NIPAL1: variants seen among roughly 807,000 people sequenced by gnomAD.
The protein encoded by NIPAL1 is NIPA like domain containing 1, also known as magnesium transporter NIPA3.
NIPAL1 carries 35 observed loss-of-function variants against 37.7 expected under a neutral mutation model. The ratio of observed to expected loss-of-function variants is 0.93; its 90% confidence interval spans 0.71 to 1.23. The LOEUF is 1.23. Ranked by LOEUF, NIPAL1 falls within the 50% of genes most tolerant of loss-of-function variation. The pLI is 0.00. For missense variants in NIPAL1, 412 were observed against 473.9 expected, an observed-to-expected ratio of 0.87 and a Z score of 1.21; for synonymous variants, 162 against 183.0, an observed-to-expected ratio of 0.89 and a Z score of 0.93.
In NIPAL1 at chr4:48,030,112, T is replaced by C. The variant is rs757287049; in HGVS notation, c.314-8T>C. ...ATTTTTTGTTAATTTTTACTTTTTG[T>C]ATTTTAGGACAAGGTGGACATTCTT... On this transcript the variant is annotated splice_polypyrimidine_tract_variant and splice_region_variant and intron_variant, in intron 2 of 5. Coordinates refer to ENST00000295461, the MANE Select transcript of NIPAL1 (RefSeq NM_207330.3). The C allele has an allele frequency of 6.3e-7, 1 of 1,585,306 alleles. No homozygotes were observed. Among genetic ancestry groups the C allele is most frequent in the Admixed American group, 1.7e-5 (1 of 59,948 alleles).
Position 48,025,124 on chromosome 4 carries a change from A to G in NIPAL1, c.103A>G (p.Asn35Asp), listed in dbSNP as rs1416028775. ...CTCCCAGGCTTGGTGTGAGATCACA[A>G]ATGTGTCACAGCTGCTGGCTTCTCC... ...NSSQAWCEIT[N>D]VSQLLASPVL... The change falls in exon 2 of 6, where the codon AAT becomes GAT. Residue 35 changes from asparagine (N) to aspartate (D), a missense_variant. Transcript: ENST00000295461. 4 of 1,613,862 alleles carry G rather than the reference A, an allele frequency of 2.5e-6. No individual in the cohort carries two copies. Among genetic ancestry groups the G allele is most frequent in the South Asian group, 1.1e-5 (1 of 91,082 alleles).
intron 2 of NIPAL1, among the ~76,000 whole-genome samples, chr4:48,029,389 T>C (rs1715768269): frequency 6.6e-6 from 1 of 152,056 alleles, no homozygotes; most frequent in Non-Finnish European, 1.5e-5. Flanking sequence ...ACATGCACAT[T>C]CAAAGTGGAA....
At chr4:48,031,515 A>C (rs1271437160) in intron 3 of NIPAL1, among the ~76,000 whole-genome samples, 1 of 152,164 alleles carries the variant, frequency 6.6e-6, no homozygotes, top group Non-Finnish European at 1.5e-5. Context: ...CTTTATAATG[A>C]AAATATGAGG....
intron 4 of NIPAL1, among the ~76,000 whole-genome samples, chr4:48,034,011 G>GAT (rs1715873354): frequency 6.6e-6 from 1 of 152,196 alleles, no homozygotes; most frequent in South Asian, 2.1e-4. Flanking sequence ...GCAACTCTAG[G>GAT]AAAGTACCTG....
chr4:48,030,311 G>C (rs1715793071), intron 3 of NIPAL1, 135 bp downstream of exon 3: 3 of 577,076 alleles, frequency 5.2e-6, no homozygotes, highest in Non-Finnish European at 9.3e-6. Context: ...TTTTGTGTTA[G>C]TCAATATATT....
In NIPAL1 at chr4:48,035,903, T is replaced by C. The variant is rs1243304785; in HGVS notation, c.964T>C (p.Ser322Pro). 6.2e-7 allele frequency: 1 copy of C among 1,613,964 alleles called. No homozygotes were observed. Among genetic ancestry groups the C allele is most frequent in the South Asian group, 1.1e-5 (1 of 91,068 alleles). Residue 322 changes from serine to proline, a missense_variant, in exon 6 of 6, where the codon TCT (serine) becomes CCT (proline). By Grantham distance (74) the Ser-to-Pro change is moderately conservative. Coordinates refer to ENST00000295461, the MANE Select transcript of NIPAL1 (RefSeq NM_207330.3). ...VFFTSMVVTC[S>P]AILFQEWYGM... is the part of the protein sequence containing the mutation. ...CTTCACATCCATGGTAGTGACTTGC[T>C]CTGCCATCTTATTCCAAGAGTGGTA...
chr4:48,025,949 C>G (rs1032456161), intron 2 of NIPAL1, among the ~76,000 whole-genome samples: 7 of 152,136 alleles, frequency 4.6e-5, no homozygotes, highest in Admixed American at 1.3e-4. Flanking sequence ...CTTCATTCAG[C>G]TCACTCATCC....
In NIPAL1 at chr4:48,035,544, C is replaced by A. The variant is rs1225054702; in HGVS notation, c.623-18C>A. On this transcript the variant is annotated intron_variant, in intron 5 of 5. Transcript: ENST00000295461. ...TGTGAGCATTTTCTAAAGTCAAATT[C>A]TTTTCTCCTTCTAACAGGGTTTATT... 6.3e-7 allele frequency: 1 copy of A among 1,586,032 alleles called. No homozygotes were observed. The highest frequency in any genetic ancestry group is 1.7e-4 in the Middle Eastern group (1 of 5,942).
At position 48,027,843 on chromosome 4, in the gene NIPAL1, G is replaced by A. The variant is rs1577624835; in HGVS notation, c.314-2277G>A. Among the ~76,000 whole-genome samples the A allele has an allele frequency of 6.6e-6, 1 of 152,278 alleles. No individual in the cohort carries two copies. Among genetic ancestry groups the A allele is most frequent in the East Asian group, 1.9e-4 (1 of 5,182 alleles). ...GTTAAGCAGAGTGCATCTGCCCAATGCTTGTTATTCTCTCATTGACTAATC... is the reference window on the plus strand; with the variant it reads ...GTTAAGCAGAGTGCATCTGCCCAATACTTGTTATTCTCTCATTGACTAATC... On this transcript the variant is annotated intron_variant, in intron 2 of 5. Coordinates refer to ENST00000295461, the MANE Select transcript of NIPAL1 (RefSeq NM_207330.3). The surrounding 1 kb of genome is among the most constrained non-coding windows in gnomAD (Gnocchi z 4.1).
rs563649685 is a variant in NIPAL1, at chr4:48,037,469, T to G, written c.*1297T>G. The stretch of plus-strand genomic sequence containing the variant: ...ATTGCTACATTATTTCAGGATTATA[T>G]CCTACATTTCGATTGCTCTCAAATG... On this transcript the variant is annotated 3_prime_UTR_variant, in exon 6 of 6. Transcript: ENST00000295461. The G allele has an allele frequency of 5.8e-5, 11 of 188,868 alleles. No homozygotes were observed. Among genetic ancestry groups the G allele is most frequent in the African/African-American group, 2.6e-4 (11 of 42,322 alleles). The allele number at this position is 188,868 out of a possible 1,614,324, so 11.7% of individuals were successfully genotyped here. A position where few individuals can be genotyped will look rare whatever the true frequency, so the allele number is the denominator to read the frequency against.
intron 2 of NIPAL1, among the ~76,000 whole-genome samples, chr4:48,029,883 C>T (rs12645245): frequency 0.82 from 124,177 of 151,938 alleles, 51,369 homozygotes; most frequent in Non-Finnish European, 0.89. Flanking sequence ...AACAGAAACA[C>T]GGAAAAAAAT....
intron 1 of NIPAL1, among the ~76,000 whole-genome samples, chr4:48,022,821 A>C (rs1715601518): frequency 2.4e-5 from 1 of 41,650 alleles, no homozygotes; most frequent in African/African-American, 6.5e-5. Flanking sequence ...CCATCTCTAC[A>C]AAAAAAAACT....
intron 3 of NIPAL1, among the ~76,000 whole-genome samples, chr4:48,030,781 T>C (rs536010720): frequency 6.6e-6 from 1 of 152,332 alleles, no homozygotes; most frequent in South Asian, 2.1e-4. Context: ...TTTTGCTGAC[T>C]TCAGTCTCCC....
intron 1 of NIPAL1, among the ~76,000 whole-genome samples, chr4:48,019,436 G>A (rs1715522868): frequency 6.6e-6 from 1 of 152,200 alleles, no homozygotes; most frequent in Non-Finnish European, 1.5e-5. Flanking sequence ...AGCCATATGA[G>A]GAAGTCTATT....
intron 3 of NIPAL1, among the ~76,000 whole-genome samples, chr4:48,032,170 A>C (rs542339398): frequency 5.5e-4 from 84 of 152,206 alleles, no homozygotes; most frequent in Non-Finnish European, 9.0e-4. Flanking sequence ...AGCCAGACAA[A>C]GGGAAAAAGA....
At chr4:48,030,848 T>C (rs1715804870) in intron 3 of NIPAL1, among the ~76,000 whole-genome samples, 1 of 152,226 alleles carries the variant, frequency 6.6e-6, no homozygotes, top group South Asian at 2.1e-4. Flanking sequence ...AAGGGCATCA[T>C]AAATTCCCTC....
chr4:48,034,083 C>T (rs1479201701), intron 4 of NIPAL1, among the ~76,000 whole-genome samples: 1 of 152,168 alleles, frequency 6.6e-6, no homozygotes, highest in African/African-American at 2.4e-5. Context: ...GATGCCAGAG[C>T]ATTAGAGGAA....
In NIPAL1 at chr4:48,016,777, T is replaced by G; in HGVS notation, c.-63T>G. Reference sequence around the variant, plus strand: ...ACCCCGCAGCCCCGCCCGCCGCGGGTGCGTGTGGAGAGGCCCAGGTGAGGA... The same window carrying G: ...ACCCCGCAGCCCCGCCCGCCGCGGGGGCGTGTGGAGAGGCCCAGGTGAGGA... On this transcript the variant is annotated 5_prime_UTR_variant, in exon 1 of 6. Coordinates refer to ENST00000295461, the MANE Select transcript of NIPAL1 (RefSeq NM_207330.3). 6.8e-7 allele frequency: 1 copy of G among 1,478,356 alleles called. No individual in the cohort carries two copies. Among genetic ancestry groups the G allele is most frequent in the Non-Finnish European group, 9.1e-7 (1 of 1,096,448 alleles). 91.6% of individuals were successfully genotyped at this position (1,478,356 alleles called of 1,614,324 possible). A position where few individuals can be genotyped will look rare whatever the true frequency, so the allele number is the denominator to read the frequency against.
chr4:48,030,970 G>T (rs1715806411), intron 3 of NIPAL1, among the ~76,000 whole-genome samples: 1 of 152,120 alleles, frequency 6.6e-6, no homozygotes, highest in Non-Finnish European at 1.5e-5. Flanking sequence ...TTTAATAAAT[G>T]GTGGAATCTA....
Sources: allele counts gnomAD v4.1 joint callset (sites outside exome capture counted in the v4.1 genomes callset), GRCh38; gene constraint gnomAD v4.1.1; non-coding constraint Gnocchi (gnomAD v3.1); transcripts MANE v1.5; gene names NCBI Gene and HGNC (gene_info 2026-07-23, HGNC 2026-07-21).